The following CADM2 variants were observed in gnomAD, a reference collection of about 807,000 sequenced individuals.
CADM2 encodes the protein cell adhesion molecule 2, also known as immunoglobulin superfamily member 4D.
CADM2 carries 12 observed loss-of-function variants against 49.8 expected under a neutral mutation model. The ratio of observed to expected loss-of-function variants is 0.24; its 90% CI spans 0.15 to 0.39. The LOEUF (loss-of-function observed/expected upper bound fraction) is 0.39. Among genes scored for constraint, CADM2 ranks in the 10% least tolerant of loss-of-function variants. The pLI is 1.00. For missense variants in CADM2, 378 were observed against 492.3 expected, an observed-to-expected ratio of 0.77 and a Z score of 2.20; for synonymous variants, 214 against 175.4, an observed-to-expected ratio of 1.22 and a Z score of -1.74.
chr3:86,028,063 A>C (rs1173345400), intron 8 of CADM2: 1 of 51,098 alleles, frequency 2.0e-5, no homozygotes, highest in Non-Finnish European at 3.5e-5. Flanking sequence ...GGGTGGGGGG[A>C]GGGGGGAGGG....
At chr3:85,853,922 G>A (rs1304710486) in intron 3 of CADM2, among the ~76,000 whole-genome samples, 1 of 152,038 alleles carries the variant, frequency 6.6e-6, no homozygotes, top group Non-Finnish European at 1.5e-5. Flanking sequence ...TTTAGTAGAG[G>A]TTTAGGTGTA....
intron 1 of CADM2, among the ~76,000 whole-genome samples, chr3:85,528,687 AGT>A (rs2061228908): frequency 6.6e-6 from 1 of 152,206 alleles, no homozygotes; most frequent in African/African-American, 2.4e-5. Context: ...GTACTGCTAT[AGT>A]ATACAAATAA....
At chr3:85,173,143 C>T (rs1281051799) in intron 1 of CADM2, among the ~76,000 whole-genome samples, 8 of 150,692 alleles carry the variant, frequency 5.3e-5, no homozygotes, top group East Asian at 2.0e-4. Context: ...TACAGGTGCC[C>T]GCCACCATGC....
chr3:85,221,790 A>T (rs1164023170), intron 1 of CADM2, among the ~76,000 whole-genome samples: 1 of 152,098 alleles, frequency 6.6e-6, no homozygotes, highest in Non-Finnish European at 1.5e-5. Flanking sequence ...TCTTTAAGTG[A>T]CTCTGAGCAA....
intron 2 of CADM2, among the ~76,000 whole-genome samples, chr3:85,731,349 T>C (rs1303223857): frequency 6.6e-6 from 1 of 152,190 alleles, no homozygotes; most frequent in Non-Finnish European, 1.5e-5. Flanking sequence ...ATATGTTGAA[T>C]CTTTGTTTTG....
intron 1 of CADM2, among the ~76,000 whole-genome samples, chr3:85,247,593 A>G (rs978526647): frequency 1.3e-5 from 2 of 152,208 alleles, no homozygotes; most frequent in African/African-American, 4.8e-5. Context: ...ATGATTATAA[A>G]TTAGGTGAGT....
At chr3:85,911,083 G>A (rs1465471216) in intron 5 of CADM2, among the ~76,000 whole-genome samples, 2 of 151,978 alleles carry the variant, frequency 1.3e-5, no homozygotes, top group African/African-American at 4.8e-5. Flanking sequence ...ATCAAATTAT[G>A]TATTTTATGT....
At chr3:86,049,870 T>C (rs1737142623) in intron 8 of CADM2, among the ~76,000 whole-genome samples, 1 of 152,180 alleles carries the variant, frequency 6.6e-6, no homozygotes, top group African/African-American at 2.4e-5. Context: ...TCTTTAATTC[T>C]TGGGGTTACA....
chr3:85,084,040 C>T (rs1363448534), intron 1 of CADM2, among the ~76,000 whole-genome samples: 1 of 152,124 alleles, frequency 6.6e-6, no homozygotes, highest in Non-Finnish European at 1.5e-5. Context: ...GTTTTCAACT[C>T]TTGCGTTGTC....
intron 8 of CADM2, among the ~76,000 whole-genome samples, chr3:86,020,051 G>T (rs536784721): frequency 3.9e-5 from 6 of 152,120 alleles, no homozygotes; most frequent in Admixed American, 2.0e-4. Context: ...TCCAGGAGCT[G>T]GTTTTTTGAA....
intron 1 of CADM2, among the ~76,000 whole-genome samples, chr3:84,973,093 A>C (rs959713939): frequency 6.6e-6 from 1 of 152,218 alleles, no homozygotes; most frequent in Admixed American, 6.5e-5. Flanking sequence ...TTCTATTTTT[A>C]GTAGAGACAG....
At chr3:85,967,847 G>GA (rs1303339835) in intron 8 of CADM2, among the ~76,000 whole-genome samples, 1 of 151,122 alleles carries the variant, frequency 6.6e-6, no homozygotes, top group Non-Finnish European at 1.5e-5. Context: ...GCTGGGGAAG[G>GA]AAAAAAAGAA....
intron 1 of CADM2, among the ~76,000 whole-genome samples, chr3:85,031,424 T>C (rs1175185634): frequency 5.3e-5 from 8 of 152,206 alleles, no homozygotes; most frequent in Non-Finnish European, 1.0e-4. Flanking sequence ...TCCTGGAACT[T>C]AATCTTTCAG....
chr3:85,984,409 T>C, intron 8 of CADM2, among the ~76,000 whole-genome samples: 1 of 151,622 alleles, frequency 6.6e-6, no homozygotes, highest in East Asian at 1.9e-4. Context: ...CTAGTAATCT[T>C]TAGTAGCATC....
chr3:85,830,285 G>A (rs2074127264), intron 3 of CADM2, among the ~76,000 whole-genome samples: 1 of 151,806 alleles, frequency 6.6e-6, no homozygotes, highest in African/African-American at 2.4e-5. Flanking sequence ...TGTTGAGAAC[G>A]TTTTCATATA....
At chr3:85,572,154 G>T (rs1366639224) in intron 1 of CADM2, among the ~76,000 whole-genome samples, 2 of 152,008 alleles carry the variant, frequency 1.3e-5, no homozygotes, top group Non-Finnish European at 2.9e-5. Context: ...AAAATTAGCC[G>T]GGCATGGTGG....
intron 7 of CADM2, among the ~76,000 whole-genome samples, chr3:85,948,001 T>C (rs567145341): frequency 1.1e-4 from 16 of 151,592 alleles, no homozygotes; most frequent in Non-Finnish European, 2.1e-4. Context: ...CTCAATACAT[T>C]GAAGACACCA....
intron 1 of CADM2, among the ~76,000 whole-genome samples, chr3:85,150,450 GT>G (rs1346708558): frequency 6.6e-6 from 1 of 152,118 alleles, no homozygotes; most frequent in Non-Finnish European, 1.5e-5. Context: ...TTCTCCAGTA[GT>G]TTTTCTTGAG....
At chr3:84,994,825 G>C (rs1422205833) in intron 1 of CADM2, among the ~76,000 whole-genome samples, 1 of 151,984 alleles carries the variant, frequency 6.6e-6, no homozygotes, top group African/African-American at 2.4e-5. Context: ...TCAGGAGTTC[G>C]AGAGCAGCCT....
Sources: gnomAD v4.1 joint callset for allele counts (sites outside exome capture counted in the v4.1 genomes callset) on GRCh38, gnomAD v4.1.1 for gene constraint, MANE v1.5 for transcripts, NCBI Gene and HGNC (gene_info 2026-07-23, HGNC 2026-07-21) for gene names.